Variants in RBBP8NL observed in about 807,000 individuals in gnomAD.
The protein encoded by RBBP8NL is RBBP8 N-terminal like.
Under a neutral mutation model 62.2 loss-of-function variants are expected in RBBP8NL, and 59 were observed. The observed-to-expected ratio is 0.95, with a 90% CI of 0.77 to 1.18. RBBP8NL has a LOEUF of 1.18. Among genes scored for constraint, RBBP8NL ranks in the 50% most tolerant of loss-of-function variants. RBBP8NL has a pLI of 0.00. For synonymous variants in RBBP8NL, 412 were observed against 394.1 expected (o/e 1.05, Z -0.54); for missense variants, 896 against 899.5 (o/e 1.00, Z 0.05).
At position 62,422,355 on chromosome 20, in the gene RBBP8NL, C is replaced by T. The variant is rs1365561153; in HGVS notation, c.-83-2625G>A. Among the ~76,000 whole-genome samples, 4 of 151,780 alleles carry T rather than the reference C, an allele frequency of 2.6e-5. No individual in the cohort carries two copies. In the South Asian group the frequency reaches 6.2e-4, roughly 24 times the overall value. ...AATATGGTGGCCGCCCAGCCCCATG[C>T]CCATCCCAGCGTGGCCAAACCACCC... is the stretch of plus-strand genomic sequence containing the variant. On this transcript the variant is annotated intron_variant, in intron 1 of 13. Transcript: ENST00000252998.
chr20:62,423,358 TC>T lies in RBBP8NL; in HGVS notation c.-83-3629del, dbSNP rs1287014490. 2.6e-5 allele frequency among the ~76,000 whole-genome samples: 4 copies of T among 152,072 alleles called. No homozygotes were observed. In the East Asian group the frequency reaches 7.7e-4, roughly 29 times the overall value. The stretch of plus-strand genomic sequence containing the variant: ...TGCTCTGCCTGTGTGGACTGGGGCG[TC>T]CTCCCCATGGCTCTGGTGCACCCAG... On this transcript the variant is annotated intron_variant, in intron 1 of 13. Coordinates refer to ENST00000252998, the MANE Select transcript of RBBP8NL (RefSeq NM_080833.3).
In RBBP8NL at chr20:62,417,256, T is replaced by C; in HGVS notation, c.168A>G (p.Thr56=). Reference sequence around the variant, plus strand: ...CCAGCACCCGCAGGTTCTCCTTCAGTGTCTTCTGCTGTTCCCGGAGCTGGT... The same window carrying C: ...CCAGCACCCGCAGGTTCTCCTTCAGCGTCTTCTGCTGTTCCCGGAGCTGGT... The part of the protein sequence containing the change: ...KNHQLREQQK[T]LKENLRVLEN... Residue 56 remains threonine (T), a synonymous_variant, in exon 4 of 14, where the codon ACA becomes ACG. Transcript: ENST00000252998. 6.2e-7 allele frequency: 1 copy of C among 1,606,578 alleles called. No homozygotes were observed. Among genetic ancestry groups the C allele is most frequent in the Non-Finnish European group, 8.5e-7 (1 of 1,176,656 alleles).
intron 5 of RBBP8NL, 43 bp from the exon 6 acceptor site, chr20:62,416,279 GGACAGGGGCA>G: frequency 8.0e-7 from 1 of 1,247,606 alleles, no homozygotes; most frequent in Non-Finnish European, 1.1e-6. Context: ...GGGTTGGGGG[GGACAGGGGCA>G]GGGGTGGGGT....
At chr20:62,424,317 C>T (rs1988764217) in intron 1 of RBBP8NL, among the ~76,000 whole-genome samples, 1 of 151,924 alleles carries the variant, frequency 6.6e-6, no homozygotes, top group Non-Finnish European at 1.5e-5. Flanking sequence ...GTGTGAGGGG[C>T]GCATGTCTGT....
chr20:62,415,548 A>T, intron 8 of RBBP8NL, 30 bp downstream of exon 8: 1 of 1,608,988 alleles, frequency 6.2e-7, no homozygotes, highest in Non-Finnish European at 8.5e-7. Context: ...GCCCAGCTGC[A>T]CATGGTGGGC....
Position 62,419,851 on chromosome 20 carries a change from G to T in RBBP8NL, c.-83-121C>A, listed in dbSNP as rs1988661643. Reference sequence around the variant, plus strand: ...GCAGACCCCATGCCATGCTGTAGGGGCTACTCATGGGAGGTGGCCTGGAGG... The same window carrying T: ...GCAGACCCCATGCCATGCTGTAGGGTCTACTCATGGGAGGTGGCCTGGAGG... On this transcript the variant is annotated intron_variant, in intron 1 of 13. Coordinates refer to ENST00000252998, the MANE Select transcript of RBBP8NL (RefSeq NM_080833.3). 6.9e-6 allele frequency: 4 copies of T among 580,086 alleles called. No individual in the cohort carries two copies. In the Admixed American group the frequency reaches 9.6e-5, roughly 14 times the overall value. 35.9% of individuals were successfully genotyped at this position (580,086 alleles called of 1,614,324 possible).
At position 62,413,966 on chromosome 20, in the gene RBBP8NL, T is replaced by C. The variant is rs1293759895; in HGVS notation, c.1385A>G (p.His462Arg). The C allele has an allele frequency of 3.8e-6, 6 of 1,576,880 alleles. No homozygotes were observed. In the African/African-American group the frequency reaches 8.1e-5, roughly 21 times the overall value. Residue 462 changes from histidine to arginine, a missense_variant, in exon 10 of 14, where the codon CAT becomes CGT. Physicochemically the swap from His to Arg is conservative, Grantham distance 29. Coordinates refer to ENST00000252998, the MANE Select transcript of RBBP8NL (RefSeq NM_080833.3). ...GQDTPKPAGQ[H>R]GSLSPAAAHT... ...GGCAGCGGCAGGGCTGAGTGACCCA[T>C]GCTGGCCGGCCGGCTTGGGAGTGTC...
chr20:62,420,985 C>T (rs1393720750), intron 1 of RBBP8NL, among the ~76,000 whole-genome samples: 1 of 152,262 alleles, frequency 6.6e-6, no homozygotes, highest in Non-Finnish European at 1.5e-5. Flanking sequence ...GCCTGGAGAG[C>T]TCCCAGGCAG....
chr20:62,412,996 G>A lies in RBBP8NL; in HGVS notation c.1676-96C>T, dbSNP rs1188678303. The A allele has an allele frequency of 6.4e-6, 9 of 1,405,908 alleles. No homozygotes were observed. In the East Asian group the frequency reaches 2.1e-4, roughly 32 times the overall value. 87.1% of individuals were successfully genotyped at this position (1,405,908 alleles called of 1,614,324 possible). A position where few individuals can be genotyped will look rare whatever the true frequency, so the allele number is the denominator to read the frequency against. ...GATGGGTGGAGCCAACTCTGCAGATGGGGAAACTGAGGCACGGAGGGCCAA... is the reference window on the plus strand; with the variant it reads ...GATGGGTGGAGCCAACTCTGCAGATAGGGAAACTGAGGCACGGAGGGCCAA... On this transcript the variant is annotated intron_variant, in intron 11 of 13. Transcript: ENST00000252998.
At chr20:62,420,731 G>A (rs528070354) in intron 1 of RBBP8NL, among the ~76,000 whole-genome samples, 1 of 152,336 alleles carries the variant, frequency 6.6e-6, no homozygotes, top group African/African-American at 2.4e-5. Flanking sequence ...GCTCCCACAC[G>A]CAGATGCTGG....
intron 11 of RBBP8NL, 61 bp from the exon 12 acceptor site, chr20:62,412,961 G>C (rs562049907): frequency 1.5e-4 from 237 of 1,575,252 alleles, no homozygotes; most frequent in Non-Finnish European, 2.0e-4. Flanking sequence ...TCCCGAGCCT[G>C]CCAGACTAGG....
chr20:62,413,570 T>C, intron 10 of RBBP8NL, 25 bp from the exon 11 acceptor site: 1 of 1,502,688 alleles, frequency 6.7e-7, no homozygotes, highest in Non-Finnish European at 8.8e-7. Flanking sequence ...GTAGGTGGCT[T>C]GAGTTTATTT....
chr20:62,419,627 C>T lies in RBBP8NL; in HGVS notation c.21G>A (p.Ser7=), dbSNP rs768816370. 4.2e-5 allele frequency: 67 copies of T among 1,613,320 alleles called. No homozygotes were observed. The highest frequency in any genetic ancestry group is 5.0e-5 in the Non-Finnish European group (59 of 1,179,948). MESFME[S]LNRLKEIHEK... ...CGTGGATCTCCTTCAGCCTGTTCAG[C>T]GACTCCATGAAGCTCTCCATGGCTC... The change falls in exon 2 of 14, where the codon TCG becomes TCA. Residue 7 remains serine (S), a synonymous_variant. Coordinates refer to ENST00000252998, the MANE Select transcript of RBBP8NL (RefSeq NM_080833.3).
chr20:62,422,689 G>A (rs1244667125), intron 1 of RBBP8NL, among the ~76,000 whole-genome samples: 2 of 151,896 alleles, frequency 1.3e-5, no homozygotes, highest in Non-Finnish European at 2.9e-5. Context: ...TGGGGATGGT[G>A]ACTGGAGCCA....
chr20:62,414,655 C>A, intron 9 of RBBP8NL, 99 bp from the exon 10 acceptor site: 1 of 1,328,108 alleles, frequency 7.5e-7, no homozygotes, highest in Non-Finnish European at 9.8e-7. Context: ...ACTCCACAGG[C>A]GAGGAAACTG....
At chr20:62,415,700 C>G in intron 7 of RBBP8NL, 40 bp from the exon 8 acceptor site, 1 of 1,610,700 alleles carries the variant, frequency 6.2e-7, no homozygotes, top group Non-Finnish European at 8.5e-7. Context: ...TTGGGAGGTG[C>G]TCAGAGGGGC....
intron 10 of RBBP8NL, 110 bp from the exon 11 acceptor site, chr20:62,413,655 G>T: frequency 7.1e-7 from 1 of 1,406,704 alleles, no homozygotes; most frequent in Non-Finnish European, 9.5e-7. Context: ...TGGTGGAGGG[G>T]CCTGCCTTTC....
chr20:62,421,810 G>A (rs1988706730), intron 1 of RBBP8NL, among the ~76,000 whole-genome samples: 1 of 150,078 alleles, frequency 6.7e-6, no homozygotes. Flanking sequence ...CAGTGTGCAT[G>A]TGTGTTTGCT....
intron 5 of RBBP8NL, 107 bp downstream of exon 5, chr20:62,416,653 G>A (rs1988573301): frequency 1.4e-6 from 1 of 733,016 alleles, no homozygotes; most frequent in East Asian, 2.7e-5. Context: ...GTGGTGTGGG[G>A]CCGATCGTCC....
Sources: allele counts gnomAD v4.1 joint callset (sites outside exome capture counted in the v4.1 genomes callset), GRCh38; gene constraint gnomAD v4.1.1; transcripts MANE v1.5; gene names NCBI Gene and HGNC (gene_info 2026-07-23, HGNC 2026-07-21).